The following RSKR variants were observed in gnomAD, a reference collection of about 807,000 sequenced individuals.
The protein encoded by RSKR is ribosomal protein S6 kinase related.
Under a neutral mutation model 56.8 loss-of-function variants are expected in RSKR, and 44 were observed. The observed-to-expected ratio is 0.77, with a 90% CI of 0.61 to 1.00. The LOEUF is 1.00. Among genes scored for constraint, RSKR ranks in the 50% least tolerant of loss-of-function variants. RSKR has a pLI of 0.00. For synonymous variants in RSKR, 181 were observed against 188.0 expected, an observed-to-expected ratio of 0.96 and a Z score of 0.30; for missense variants, 510 against 506.9, an observed-to-expected ratio of 1.01 and a Z score of -0.06.
At chr17:28,611,069 A>C in intron 11 of RSKR, 74 bp downstream of exon 11, 1 of 1,355,364 alleles carries the variant, frequency 7.4e-7, no homozygotes, top group Non-Finnish European at 1.0e-6. Context: ...AGGAATGGGG[A>C]AAAATCACTT....
chr17:28,611,673 G>C lies in RSKR; in HGVS notation c.722-17C>G. 6.2e-7 allele frequency: 1 copy of C among 1,605,670 alleles called. No individual in the cohort carries two copies. Among genetic ancestry groups the C allele is most frequent in the Middle Eastern group, 1.7e-4 (1 of 5,998 alleles). On this transcript the variant is annotated splice_polypyrimidine_tract_variant and intron_variant, in intron 8 of 11. Coordinates refer to ENST00000301037, the MANE Select transcript of RSKR (RefSeq NM_001174103.2). The stretch of plus-strand genomic sequence containing the variant: ...TCAGATGGCCTATGAAAGAAGGTAA[G>C]GCAACTGCACCACTGTTCCACCCAT...
chr17:28,609,083 C>T lies in RSKR; in HGVS notation c.*1395G>A, dbSNP rs147329625. On this transcript the variant is annotated 3_prime_UTR_variant, in exon 12 of 12. Transcript: ENST00000301037. ...TTTGAGACAGAGTCTACCTCTGTCACCCAGGAGTTCAATGGCACAATCTTG... is the reference window on the plus strand; with the variant it reads ...TTTGAGACAGAGTCTACCTCTGTCATCCAGGAGTTCAATGGCACAATCTTG... The T allele has an allele frequency of 1.5e-5, 2 of 134,480 alleles. No individual in the cohort carries two copies. Among genetic ancestry groups the T allele is most frequent in the African/African-American group, 5.8e-5 (2 of 34,350 alleles). The allele number at this position is 134,480 out of a possible 1,614,324, so 8.3% of individuals were successfully genotyped here.
Position 28,611,490 on chromosome 17 carries a change from T to G in RSKR, c.812-9A>C, listed in dbSNP as rs749486841. 2 of 1,590,326 alleles carry G rather than the reference T, an allele frequency of 1.3e-6. No homozygotes were observed. The highest frequency in any genetic ancestry group is 2.3e-5 in the South Asian group (2 of 88,066). ...ACTTAGGACCTCTGGGGCTACAGATTTCAAAGATACTCATCACAGACATCC... is the reference window on the plus strand; with the variant it reads ...ACTTAGGACCTCTGGGGCTACAGATGTCAAAGATACTCATCACAGACATCC... On this transcript the variant is annotated splice_polypyrimidine_tract_variant and intron_variant, in intron 9 of 11. Coordinates refer to ENST00000301037, the MANE Select transcript of RSKR (RefSeq NM_001174103.2).
At chr17:28,612,450 T>C in intron 5 of RSKR, 84 bp from the exon 6 acceptor site, 2 of 1,449,862 alleles carry the variant, frequency 1.4e-6, no homozygotes, top group Non-Finnish European at 1.9e-6. Context: ...CAAGGCATTG[T>C]AGGCCTCCTG....
In RSKR at chr17:28,609,745, A is replaced by G. The variant is rs1597605845; in HGVS notation, c.*733T>C. On this transcript the variant is annotated 3_prime_UTR_variant, in exon 12 of 12. Coordinates refer to ENST00000301037, the MANE Select transcript of RSKR (RefSeq NM_001174103.2). ...GAGAGTGAGACCCTATCTCAAAAAA[A>G]AAAAAAAAAAAAAAAAAAAAGGGTC... The G allele has an allele frequency of 6.7e-6, 1 of 149,330 alleles. No individual in the cohort carries two copies. Among genetic ancestry groups the G allele is most frequent in the Admixed American group, 6.7e-5 (1 of 15,018 alleles). The allele number at this position is 149,330 out of a possible 1,614,324, so 9.3% of individuals were successfully genotyped here. A position where few individuals can be genotyped will look rare whatever the true frequency, so the allele number is the denominator to read the frequency against.
chr17:28,612,695 C>T lies in RSKR; in HGVS notation c.478-8G>A. On this transcript the variant is annotated splice_polypyrimidine_tract_variant and splice_region_variant and intron_variant, in intron 4 of 11. Coordinates refer to ENST00000301037, the MANE Select transcript of RSKR (RefSeq NM_001174103.2). ...GGGATGGTTGATCTGTCGCTAGGAA[C>T]AAAGAAAACAGGAAGTTAGGGAGGA... 2 of 1,614,022 alleles carry T rather than the reference C, an allele frequency of 1.2e-6. No individual in the cohort carries two copies. The highest frequency in any genetic ancestry group is 8.5e-7 in the Non-Finnish European group (1 of 1,179,952).
chr17:28,610,519 A>G lies in RSKR; in HGVS notation c.1192T>C (p.Cys398Arg). ...TAGAGCAAGAAGGACTCCAGATCAC[A>G]GTCAAAGTCGTCAAAGGGCATGGTC... is the stretch of plus-strand genomic sequence containing the variant. ...AETMPFDDFD[C>R]DLESFLLYPI... The change falls in exon 12 of 12, where the codon TGT (cysteine) becomes CGT (arginine). Residue 398 changes from cysteine (C) to arginine (R), a missense_variant. Coordinates refer to ENST00000301037, the MANE Select transcript of RSKR (RefSeq NM_001174103.2). 6.5e-7 allele frequency: 1 copy of G among 1,536,106 alleles called. No individual in the cohort carries two copies. The highest frequency in any genetic ancestry group is 8.7e-7 in the Non-Finnish European group (1 of 1,146,902).
chr17:28,611,461 C>G lies in RSKR; in HGVS notation c.832G>C (p.Gly278Arg), dbSNP rs367864459. ...CAATCAGCAGCATGGTTGTAAGGTC[C>G]TCCACTTAGGACCTCTGGGGCTACA... Reference protein sequence around the residue: ...QYMAPEVLSGGPYNHAADWWS... With the variant: ...QYMAPEVLSGRPYNHAADWWS... Residue 278 changes from glycine to arginine, a missense_variant, in exon 10 of 12, where the codon GGA (glycine) becomes CGA (arginine). Transcript: ENST00000301037. 8.7e-6 allele frequency: 14 copies of G among 1,605,618 alleles called. No homozygotes were observed. In the East Asian group the frequency reaches 3.1e-4, roughly 36 times the overall value.
chr17:28,611,985 G>T (rs938020576), intron 7 of RSKR, 59 bp downstream of exon 7: 14 of 1,613,970 alleles, frequency 8.7e-6, no homozygotes, highest in African/African-American at 1.3e-5. Flanking sequence ...TCTTGGACTT[G>T]TTGGCACTTC....
intron 1 of RSKR, 73 bp from the exon 2 acceptor site, chr17:28,613,761 C>G: frequency 6.3e-7 from 1 of 1,584,634 alleles, no homozygotes. Flanking sequence ...TTACTAGGCA[C>G]TCCCTCCCCT....
Position 28,613,658 on chromosome 17 carries a change from G to T in RSKR, c.106C>A (p.Arg36=). The part of the protein sequence containing the change: ...QGGNIRGPWA[R]GWKSLWTGLG... ...CCTGTCCAGAGGCTCTTCCAGCCTC[G>T]GGCCCAGGGACCCCGGATGTTGCCA... Residue 36 remains arginine (R), a synonymous_variant, in exon 2 of 12, where the codon CGA becomes AGA. Coordinates refer to ENST00000301037, the MANE Select transcript of RSKR (RefSeq NM_001174103.2). 1 of 1,614,010 alleles carries T rather than the reference G, an allele frequency of 6.2e-7. No homozygotes were observed. Among genetic ancestry groups the T allele is most frequent in the Non-Finnish European group, 8.5e-7 (1 of 1,180,000 alleles).
At chr17:28,612,516 G>T (rs527799223) in intron 5 of RSKR, 102 bp downstream of exon 5, 2 of 1,431,396 alleles carry the variant, frequency 1.4e-6, no homozygotes, top group South Asian at 2.4e-5. Context: ...GGTGCCATGA[G>T]AAGGGGGACA....
At position 28,611,086 on chromosome 17, in the gene RSKR, AG is replaced by A. The variant is rs1304576906; in HGVS notation, c.1011+56del. On this transcript the variant is annotated intron_variant, in intron 11 of 11. Transcript: ENST00000301037. Reference sequence around the variant, plus strand: ...GAATGGGGAAAAATCACTTTAATGAAGGCAGGAGAGCATTAATGGTTTCGTA... The same window carrying A: ...GAATGGGGAAAAATCACTTTAATGAAGCAGGAGAGCATTAATGGTTTCGTA... The A allele has an allele frequency of 3.5e-6, 5 of 1,430,380 alleles. No individual in the cohort carries two copies. The Admixed American group carries it at 8.0e-5, about 23-fold the overall frequency. The allele number at this position is 1,430,380 out of a possible 1,614,324, so 88.6% of individuals were successfully genotyped here.
chr17:28,612,980 G>C (rs2070841739), intron 4 of RSKR, 98 bp downstream of exon 4: 1 of 1,292,016 alleles, frequency 7.7e-7, no homozygotes. Flanking sequence ...GAAGCAGATG[G>C]ATGAGGCAGA....
Position 28,612,295 on chromosome 17 carries a change from G to A in RSKR, c.619C>T (p.Arg207Cys), listed in dbSNP as rs141557268. 112 of 1,614,164 alleles carry A rather than the reference G, an allele frequency of 6.9e-5. No homozygotes were observed. The highest frequency in any genetic ancestry group is 1.6e-4 in the East Asian group (7 of 44,888). Residue 207 changes from arginine (R) to cysteine (C), a missense_variant, in exon 6 of 12, where the codon CGT becomes TGT. By Grantham distance (180) the Arg-to-Cys change is radical. Coordinates refer to ENST00000301037, the MANE Select transcript of RSKR (RefSeq NM_001174103.2). ...AVGCFPEASI[R>C]LFAAELVLVL... The stretch of plus-strand genomic sequence containing the variant: ...AGCACCAACTCGGCAGCAAAGAGAC[G>A]GATGGAAGCCTCAGGAAAGCAGCCA...
rs907571390 is a variant in RSKR, at chr17:28,610,592, T to G, written c.1119A>C (p.Pro373=). ...AFDPELLQKQ[P]VNFVTETQAT... is the part of the protein sequence containing the mutation. ...CTTGTGTCTCCGTGACAAAGTTCAC[T>G]GGCTGCTTCTGTAGGAGCTCTGGGT... The change falls in exon 12 of 12, where the codon CCA becomes CCC. Residue 373 remains proline (P), a synonymous_variant. Transcript: ENST00000301037. The G allele has an allele frequency of 6.5e-7, 1 of 1,535,904 alleles. No homozygotes were observed. The highest frequency in any genetic ancestry group is 1.4e-5 in the African/African-American group (1 of 73,010).
intron 11 of RSKR, 51 bp from the exon 12 acceptor site, chr17:28,610,750 G>C: frequency 8.1e-6 from 12 of 1,480,594 alleles, no homozygotes; most frequent in Non-Finnish European, 1.1e-5. Context: ...GGACAGGCCT[G>C]AACAGAAAGG....
At chr17:28,613,208 C>G in intron 3 of RSKR, 54 bp downstream of exon 3, 7 of 1,612,686 alleles carry the variant, frequency 4.3e-6, no homozygotes, top group Non-Finnish European at 5.1e-6. Flanking sequence ...TTCCTCCCAA[C>G]CTCTCTGGAA....
intron 1 of RSKR, 130 bp downstream of exon 1, chr17:28,613,957 T>A: frequency 2.4e-6 from 3 of 1,230,490 alleles, no homozygotes; most frequent in Admixed American, 2.1e-5. Context: ...GATGCTTTCA[T>A]AGTACAGCCT....
Sources: gnomAD v4.1 joint callset for allele counts on GRCh38, gnomAD v4.1.1 for gene constraint, MANE v1.5 for transcripts, NCBI Gene and HGNC (gene_info 2026-07-23, HGNC 2026-07-21) for gene names.